The following KANK1 variants were observed in gnomAD, a reference collection of about 807,000 sequenced individuals.
KANK1 encodes the protein KN motif and ankyrin repeat domains 1.
KANK1 carries 109 observed loss-of-function variants against 106.2 expected under a neutral mutation model. The observed-to-expected ratio is 1.03, with a 90% CI of 0.88 to 1.20. The LOEUF (loss-of-function observed/expected upper bound fraction) is 1.20, where lower values mean the gene tolerates loss of function less well. KANK1 is among the 50% of genes most tolerant of loss of function. The pLI is 0.00. For missense variants in KANK1, 2,399 were observed against 1,710.7 expected, an observed-to-expected ratio of 1.40 and a Z score of -7.10; for synonymous variants, 873 against 652.2, an observed-to-expected ratio of 1.34 and a Z score of -5.16.
chr9:507,868 T>C (rs578002494), intron 1 of KANK1, among the ~76,000 whole-genome samples: 1 of 152,194 alleles, frequency 6.6e-6, no homozygotes, highest in African/African-American at 2.4e-5. Context: ...GTATTTTTAG[T>C]AGAGACGGGG....
chr9:588,308 G>A (rs1824010130), intron 1 of KANK1, among the ~76,000 whole-genome samples: 1 of 152,012 alleles, frequency 6.6e-6, no homozygotes, highest in East Asian at 1.9e-4. Context: ...CCTTTTATTA[G>A]ACATTTATAT....
At chr9:491,528 A>T (rs915871969) in intron 3 of KANK1, among the ~76,000 whole-genome samples, 2 of 152,036 alleles carry the variant, frequency 1.3e-5, no homozygotes, top group African/African-American at 4.8e-5. Flanking sequence ...CGGCCCCCCA[A>T]AGTGCTGGGA....
intron 1 of KANK1, among the ~76,000 whole-genome samples, chr9:606,817 G>A (rs1829323217): frequency 6.6e-6 from 1 of 151,414 alleles, no homozygotes; most frequent in African/African-American, 2.4e-5. Context: ...AAATATATAT[G>A]GACCTGCCAT....
intron 1 of KANK1, among the ~76,000 whole-genome samples, chr9:674,752 G>A (rs1816029055): frequency 6.6e-6 from 1 of 152,164 alleles, no homozygotes; most frequent in Non-Finnish European, 1.5e-5. Flanking sequence ...CGCCCAGGCT[G>A]GGGTGCAGTG....
chr9:544,337 T>C (rs2060797999), intron 1 of KANK1, among the ~76,000 whole-genome samples: 1 of 152,152 alleles, frequency 6.6e-6, no homozygotes, highest in South Asian at 2.1e-4. Flanking sequence ...TAACTTCTTA[T>C]GTCATTTCCC....
chr9:653,883 TA>T (rs1175893054), intron 1 of KANK1, among the ~76,000 whole-genome samples: 1 of 152,204 alleles, frequency 6.6e-6, no homozygotes, highest in Admixed American at 6.5e-5. Flanking sequence ...CCAATAAAAG[TA>T]AAATTATGTA....
At chr9:684,646 C>A (rs1481345260) in intron 2 of KANK1, 3 of 910,942 alleles carry the variant, frequency 3.3e-6, no homozygotes, top group East Asian at 2.4e-4. Context: ...GCTAGCTGAG[C>A]CCATCAAAGG....
intron 1 of KANK1, among the ~76,000 whole-genome samples, chr9:648,848 C>G (rs765806101): frequency 4.6e-5 from 7 of 152,146 alleles, no homozygotes; most frequent in Non-Finnish European, 5.9e-5. Context: ...CTGGGAGACT[C>G]TTTATTCTGA....
intron 1 of KANK1, among the ~76,000 whole-genome samples, chr9:532,364 C>CT (rs1187078952): frequency 0.044 from 3,600 of 81,786 alleles, 213 homozygotes; most frequent in Non-Finnish European, 0.055. Context: ...GCCTCAAGCA[C>CT]TTTTTTTTTT....
chr9:571,324 A>G (rs1487768549), intron 1 of KANK1, among the ~76,000 whole-genome samples: 2 of 152,248 alleles, frequency 1.3e-5, no homozygotes, highest in Non-Finnish European at 2.9e-5. Flanking sequence ...AGAGGGTATG[A>G]TAATGCAGAA....
intron 1 of KANK1, among the ~76,000 whole-genome samples, chr9:572,097 A>G (rs1819327700): frequency 6.6e-6 from 1 of 151,236 alleles, no homozygotes; most frequent in South Asian, 2.1e-4. Flanking sequence ...ATGGAAAGTC[A>G]ATGTTTTCCC....
At chr9:593,606 C>T (rs774266875) in intron 1 of KANK1, among the ~76,000 whole-genome samples, 13 of 151,636 alleles carry the variant, frequency 8.6e-5, no homozygotes, top group Admixed American at 2.0e-4. Context: ...GATGTTTTCA[C>T]AGGGCTTTAA....
At chr9:587,249 T>C (rs541584958) in intron 1 of KANK1, among the ~76,000 whole-genome samples, 1 of 152,040 alleles carries the variant, frequency 6.6e-6, no homozygotes, top group South Asian at 2.1e-4. Context: ...TATGCTCCAA[T>C]GATCTGTTCA....
chr9:707,341 G>A, intron 2 of KANK1: 1 of 597,838 alleles, frequency 1.7e-6, no homozygotes, highest in Non-Finnish European at 2.1e-6. Flanking sequence ...GCGCACTGCT[G>A]GGCCGCTTCA....
chr9:672,616 G>C (rs991130382), intron 1 of KANK1, among the ~76,000 whole-genome samples: 5 of 152,148 alleles, frequency 3.3e-5, no homozygotes, highest in African/African-American at 1.2e-4. Flanking sequence ...AGCAGTGCTA[G>C]AGTATATATC....
intron 1 of KANK1, among the ~76,000 whole-genome samples, chr9:667,114 T>G (rs748211680): frequency 6.6e-6 from 1 of 151,818 alleles, no homozygotes; most frequent in Non-Finnish European, 1.5e-5. Flanking sequence ...ATTATAGCTT[T>G]GATCTTATTA....
chr9:742,441 C>G, intron 10 of KANK1, 36 bp downstream of exon 10: 1 of 1,540,182 alleles, frequency 6.5e-7, no homozygotes, highest in Non-Finnish European at 8.9e-7. Flanking sequence ...GGCCAGGGGT[C>G]TGGGGGACTC....
intron 1 of KANK1, among the ~76,000 whole-genome samples, chr9:548,877 G>T (rs552317038): frequency 3.0e-4 from 45 of 152,110 alleles, no homozygotes; most frequent in Middle Eastern, 3.4e-3. Context: ...CCAGGAGTTC[G>T]AGACCAGCCT....
intron 1 of KANK1, among the ~76,000 whole-genome samples, chr9:641,720 G>C (rs7038208): frequency 0.63 from 96,359 of 152,018 alleles, 33,134 homozygotes; most frequent in East Asian, 0.89. Context: ...GCCATTTCTT[G>C]TAACACCTTT....
Sources: gnomAD v4.1 joint callset for allele counts (sites outside exome capture counted in the v4.1 genomes callset) on GRCh38, gnomAD v4.1.1 for gene constraint, MANE v1.5 for transcripts, NCBI Gene and HGNC (gene_info 2026-07-23, HGNC 2026-07-21) for gene names.